The following THADA variants were observed in gnomAD, a reference collection of about 807,000 sequenced individuals.
The protein encoded by THADA is tRNA (32-2'-O)-methyltransferase regulator THADA.
Under a neutral mutation model 219.8 loss-of-function variants are expected in THADA, and 213 were observed. The ratio of observed to expected loss-of-function variants is 0.97; its 90% CI spans 0.87 to 1.09. The LOEUF is 1.09. Among genes scored for constraint, THADA ranks in the 50% least tolerant of loss-of-function variants. The pLI is 0.00. For synonymous variants in THADA, 1,018 were observed against 828.9 expected (o/e 1.23, Z -3.92); for missense variants, 2,956 against 2,311.3 (o/e 1.28, Z -5.72).
intron 24 of THADA, 84 bp from the exon 25 acceptor site, chr2:43,499,039 A>C: frequency 7.3e-7 from 1 of 1,373,004 alleles, no homozygotes; most frequent in Non-Finnish European, 9.6e-7. Context: ...TACAGCTTCA[A>C]AACAAAAAAT....
chr2:43,253,849 G>A (rs918102028), intron 36 of THADA, among the ~76,000 whole-genome samples: 2 of 151,978 alleles, frequency 1.3e-5, no homozygotes, highest in Non-Finnish European at 2.9e-5. Flanking sequence ...ATCTTTACTG[G>A]TTCTCTGATG....
chr2:43,365,529 C>A (rs546523924), intron 29 of THADA, among the ~76,000 whole-genome samples: 1 of 151,564 alleles, frequency 6.6e-6, no homozygotes, highest in African/African-American at 2.4e-5. Context: ...TGAGATCACG[C>A]CACCGCACTC....
intron 28 of THADA, among the ~76,000 whole-genome samples, chr2:43,413,122 T>C (rs1676498925): frequency 6.6e-6 from 1 of 152,158 alleles, no homozygotes; most frequent in South Asian, 2.1e-4. Context: ...CTCTCTCCCC[T>C]CTTCTCTCCT....
chr2:43,311,177 A>C (rs75537641), intron 31 of THADA, among the ~76,000 whole-genome samples: 1 of 145,910 alleles, frequency 6.9e-6, no homozygotes, highest in Non-Finnish European at 1.5e-5. Context: ...ACTCCGTCTC[A>C]AAAAAAAAAA....
chr2:43,580,606 C>T (rs1012757329), intron 8 of THADA, among the ~76,000 whole-genome samples: 13 of 151,862 alleles, frequency 8.6e-5, no homozygotes, highest in Non-Finnish European at 1.8e-4. Context: ...TGAGGCCAGG[C>T]GCGGTGGCTC....
chr2:43,451,526 A>T (rs1454390568), intron 26 of THADA, among the ~76,000 whole-genome samples: 2 of 152,208 alleles, frequency 1.3e-5, no homozygotes, highest in Non-Finnish European at 2.9e-5. Flanking sequence ...AGACTATCTA[A>T]TTTCTGCTCT....
chr2:43,515,177 A>T (rs1457641335), intron 22 of THADA, among the ~76,000 whole-genome samples: 1 of 29,100 alleles, frequency 3.4e-5, no homozygotes, highest in African/African-American at 1.7e-4. Context: ...TATATTATAT[A>T]TTATATATAA....
At chr2:43,332,507 T>C (rs1045318750) in intron 30 of THADA, among the ~76,000 whole-genome samples, 5 of 152,230 alleles carry the variant, frequency 3.3e-5, no homozygotes, top group African/African-American at 1.2e-4. Flanking sequence ...GCCTAAACCA[T>C]TGTCTTGTAA....
intron 30 of THADA, among the ~76,000 whole-genome samples, chr2:43,338,315 C>G (rs762919443): frequency 4.0e-4 from 61 of 152,008 alleles, no homozygotes; most frequent in Non-Finnish European, 7.2e-4. Context: ...CGCAACCACA[C>G]CTGGCTAATT....
intron 22 of THADA, among the ~76,000 whole-genome samples, chr2:43,520,713 T>TATACAC (rs1218079783): frequency 1.6e-5 from 2 of 125,050 alleles, no homozygotes; most frequent in African/African-American, 6.0e-5. Flanking sequence ...TATATATATA[T>TATACAC]ACACACACAC....
intron 26 of THADA, among the ~76,000 whole-genome samples, chr2:43,472,767 T>C (rs1685049224): frequency 6.6e-6 from 1 of 152,226 alleles, no homozygotes; most frequent in South Asian, 2.1e-4. Context: ...ATTACATAGC[T>C]AGGCTATATG....
intron 31 of THADA, among the ~76,000 whole-genome samples, chr2:43,317,915 C>G (rs1376140876): frequency 6.6e-6 from 1 of 152,110 alleles, no homozygotes; most frequent in Non-Finnish European, 1.5e-5. Context: ...CTGTAATGTA[C>G]CTTTTGGGTT....
Position 43,231,124 on chromosome 2 carries a change from C to A in THADA, c.5686G>T (p.Val1896Leu). ...FRELPPAAEF[V>L]KTVEFTRLRI... The stretch of plus-strand genomic sequence containing the variant: ...AGTCTTGTGAACTCCACTGTCTTCA[C>A]AAACTCAGCAGCTGGTGGAAGCTCT... Residue 1896 changes from valine to leucine, a missense_variant, in exon 38 of 38, where the codon GTG becomes TTG. By Grantham distance (32) the Val-to-Leu change is conservative. Transcript: ENST00000405975. The A allele has an allele frequency of 6.2e-7, 1 of 1,613,912 alleles. No homozygotes were observed. Among genetic ancestry groups the A allele is most frequent in the African/African-American group, 1.3e-5 (1 of 75,046 alleles).
chr2:43,581,918 C>T lies in THADA; in HGVS notation c.544G>A (p.Gly182Arg), dbSNP rs527902461. ...AACTGTGTTTGAATAATATGATTTC[C>T]AGCACATTTTCTATAAAGAAGAAAA... is the stretch of plus-strand genomic sequence containing the variant. ...EILEENRKCA[G>R]NHIIQTQLMN... Residue 182 changes from glycine to arginine, a missense_variant, in exon 8 of 38, where the codon GGA (glycine) becomes AGA (arginine). By Grantham distance (125) the Gly-to-Arg change is moderately radical (BLOSUM62 -2). Transcript: ENST00000405975. 2.0e-6 allele frequency: 3 copies of T among 1,527,664 alleles called. No individual in the cohort carries two copies. In the African/African-American group the frequency reaches 4.2e-5, roughly 22 times the overall value. The allele number at this position is 1,527,664 out of a possible 1,614,324, so 94.6% of individuals were successfully genotyped here.
chr2:43,594,588 T>C (rs1574415840), intron 1 of THADA, among the ~76,000 whole-genome samples: 1 of 29,264 alleles, frequency 3.4e-5, no homozygotes, highest in South Asian at 1.1e-3. Context: ...CCATCTCAAA[T>C]AAATAAATAA....
At chr2:43,485,871 A>G (rs1179393261) in intron 25 of THADA, among the ~76,000 whole-genome samples, 1 of 152,086 alleles carries the variant, frequency 6.6e-6, no homozygotes, top group East Asian at 1.9e-4. Context: ...TCTCAAAAAA[A>G]AAAAAAAGTA....
chr2:43,365,432 G>A (rs974164503), intron 29 of THADA, among the ~76,000 whole-genome samples: 2 of 151,840 alleles, frequency 1.3e-5, no homozygotes, highest in African/African-American at 2.4e-5. Flanking sequence ...TTAGCTGGGC[G>A]TGGTGGCAGG....
chr2:43,574,293 A>G (rs955844332), intron 11 of THADA, 43 bp downstream of exon 11: 1 of 1,343,538 alleles, frequency 7.4e-7, no homozygotes, highest in African/African-American at 1.5e-5. Context: ...ACATTTAAGC[A>G]TCATAATTAG....
At chr2:43,337,032 C>T (rs1300620613) in intron 30 of THADA, among the ~76,000 whole-genome samples, 1 of 152,116 alleles carries the variant, frequency 6.6e-6, no homozygotes, top group Admixed American at 6.5e-5. Flanking sequence ...TATGAAATTT[C>T]CTCAGTTTAA....
Sources: gnomAD v4.1 joint callset for allele counts (sites outside exome capture counted in the v4.1 genomes callset) on GRCh38, gnomAD v4.1.1 for gene constraint, MANE v1.5 for transcripts, NCBI Gene and HGNC (gene_info 2026-07-23, HGNC 2026-07-21) for gene names.